DISP1: variants seen among roughly 807,000 people sequenced by gnomAD.
The protein encoded by DISP1 is protein dispatched homolog 1.
Under a neutral mutation model 37.3 loss-of-function variants are expected in DISP1, and 30 were observed. That is an observed-to-expected ratio of 0.80 (90% CI 0.60 to 1.09). DISP1 has a LOEUF of 1.09. Ranked by LOEUF, DISP1 falls within the 50% of genes least tolerant of loss-of-function variation. The pLI is 0.00. For missense variants in DISP1, 1,598 were observed against 1,879.5 expected, an observed-to-expected ratio of 0.85 and a Z score of 2.77; for synonymous variants, 634 against 690.2, an observed-to-expected ratio of 0.92 and a Z score of 1.28.
intron 1 of DISP1, among the ~76,000 whole-genome samples, chr1:222,858,372 C>T (rs373028309): frequency 4.6e-5 from 7 of 152,136 alleles, no homozygotes; most frequent in African/African-American, 1.7e-4. Context: ...AAAGCCATAA[C>T]AACCATAGAA....
chr1:222,954,425 C>G (rs1675445910), intron 3 of DISP1, among the ~76,000 whole-genome samples: 1 of 152,036 alleles, frequency 6.6e-6, no homozygotes, highest in Non-Finnish European at 1.5e-5. Context: ...ATTCACAGTT[C>G]AATAAATATT....
intron 3 of DISP1, among the ~76,000 whole-genome samples, chr1:222,960,519 G>C (rs954323308): frequency 1.8e-4 from 28 of 152,288 alleles, no homozygotes; most frequent in African/African-American, 6.7e-4. Context: ...CAGAAAGCTA[G>C]AAAGATGTCA....
At chr1:222,818,644 A>G (rs190130770) in intron 1 of DISP1, among the ~76,000 whole-genome samples, 5 of 152,324 alleles carry the variant, frequency 3.3e-5, no homozygotes, top group Admixed American at 3.3e-4. Context: ...TTGATTCTGT[A>G]GTTTTGAGGC....
intron 1 of DISP1, chr1:222,836,903 A>C: frequency 2.5e-6 from 1 of 393,520 alleles, no homozygotes; most frequent in Non-Finnish European, 4.5e-6. Context: ...TCTGATTTTC[A>C]ATTTTCTTAT....
chr1:222,943,040 A>C lies in DISP1; in HGVS notation c.217A>C (p.Arg73=), dbSNP rs1341271288. The change falls in exon 3 of 9, where the codon AGA becomes CGA. Residue 73 remains arginine (R), a synonymous_variant. Transcript: ENST00000675850. ...KSSFLPLDNQ[R]MPQMLPQCCH... is the part of the protein sequence containing the mutation. ...ATCCTTTCTGCCTTTAGACAACCAA[A>C]GAATGCCTCAGATGTTACCCCAATG... The C allele has an allele frequency of 1.2e-6, 2 of 1,614,162 alleles. No homozygotes were observed. The highest frequency in any genetic ancestry group is 1.1e-5 in the South Asian group (1 of 91,078).
At chr1:222,966,110 G>GTTTTACACTGTAAATCAGTGTAATT (rs1676461605) in intron 3 of DISP1, among the ~76,000 whole-genome samples, 3 of 152,176 alleles carry the variant, frequency 2.0e-5, no homozygotes, top group African/African-American at 7.2e-5. Context: ...TTACACTGTA[G>GTTTTACACTGTAAATCAGTGTAATT]TTTTACACTG....
intron 1 of DISP1, among the ~76,000 whole-genome samples, chr1:222,914,166 T>C (rs1672366008): frequency 6.6e-6 from 1 of 152,122 alleles, no homozygotes; most frequent in Admixed American, 6.5e-5. Flanking sequence ...AGAAACTTTG[T>C]CAAAATAAAA....
At chr1:222,941,192 C>A (rs2609385) in intron 2 of DISP1, among the ~76,000 whole-genome samples, 23,959 of 152,076 alleles carry the variant, frequency 0.16, 1,950 homozygotes, top group South Asian at 0.29. Flanking sequence ...ACCCTACCTC[C>A]TGCTAGTTTA....
chr1:222,816,025 A>C (rs1401378925), intron 1 of DISP1, among the ~76,000 whole-genome samples: 2 of 151,614 alleles, frequency 1.3e-5, no homozygotes, highest in Middle Eastern at 6.9e-3. Flanking sequence ...GCAAATTACT[A>C]GCAGTTCTTA....
chr1:222,983,299 T>C (rs1326776318), intron 4 of DISP1, among the ~76,000 whole-genome samples, 190 bp downstream of exon 4: 1 of 152,114 alleles, frequency 6.6e-6, no homozygotes, highest in Non-Finnish European at 1.5e-5. Flanking sequence ...AATCTTAAGG[T>C]AGATTTCTAA....
At chr1:222,998,319 TAGCA>T (rs1295301026) in intron 8 of DISP1, among the ~76,000 whole-genome samples, 1 of 151,000 alleles carries the variant, frequency 6.6e-6, no homozygotes, top group Non-Finnish European at 1.5e-5. Flanking sequence ...AACCAAGCAA[TAGCA>T]AGCAGAAGAC....
chr1:223,003,811 A>G lies in DISP1; in HGVS notation c.2414A>G (p.Lys805Arg), dbSNP rs748193973. 1 of 1,614,220 alleles carries G rather than the reference A, an allele frequency of 6.2e-7. No homozygotes were observed. Among genetic ancestry groups the G allele is most frequent in the South Asian group, 1.1e-5 (1 of 91,086 alleles). Residue 805 changes from lysine to arginine, a missense_variant, in exon 9 of 9, where the codon AAG (lysine) becomes AGG (arginine). Coordinates refer to ENST00000675850, the MANE Select transcript of DISP1 (RefSeq NM_001377229.1). This position sits in a 1 kb window ranked among gnomAD's most constrained non-coding sequence, Gnocchi z 4.3. ...GACAATGGCAACCCACTAAATCCCAAGAGTAAAGGGAAGTTGACATTAGAT... is the reference window on the plus strand; with the variant it reads ...GACAATGGCAACCCACTAAATCCCAGGAGTAAAGGGAAGTTGACATTAGAT... ...PEDNGNPLNP[K>R]SKGKLTLDSS... is the part of the protein sequence containing the mutation.
intron 1 of DISP1, among the ~76,000 whole-genome samples, chr1:222,884,818 G>A (rs1670486357): frequency 6.6e-6 from 1 of 152,088 alleles, no homozygotes; most frequent in Admixed American, 6.6e-5. Context: ...ACTATGGTAT[G>A]TGTCTAATGA....
intron 1 of DISP1, among the ~76,000 whole-genome samples, chr1:222,823,340 G>A (rs1401118249): frequency 1.3e-5 from 2 of 152,040 alleles, no homozygotes; most frequent in South Asian, 2.1e-4. Context: ...ACACACACAC[G>A]AATACTGTGC....
chr1:222,919,443 C>T (rs1273032422), intron 1 of DISP1, among the ~76,000 whole-genome samples: 1 of 152,208 alleles, frequency 6.6e-6, no homozygotes, highest in East Asian at 1.9e-4. Flanking sequence ...CTCCTCCCTG[C>T]TCTGTCTACC....
At chr1:222,987,657 A>G (rs1233426450) in intron 4 of DISP1, among the ~76,000 whole-genome samples, 1 of 152,228 alleles carries the variant, frequency 6.6e-6, no homozygotes, top group Non-Finnish European at 1.5e-5. Context: ...AGAACACAAA[A>G]TTAAAAGTTA....
intron 3 of DISP1, among the ~76,000 whole-genome samples, chr1:222,980,090 C>T (rs1010219338): frequency 2.6e-5 from 4 of 152,074 alleles, no homozygotes; most frequent in Admixed American, 6.5e-5. Flanking sequence ...GTATTGTAGT[C>T]AGTATATCCA....
rs949109468 is a variant in DISP1 at position 222,932,587 on chromosome 1, A to C, written c.-18+4017A>C. Among the ~76,000 whole-genome samples, 8 of 151,962 alleles carry C rather than the reference A, an allele frequency of 5.3e-5. No homozygotes were observed. The South Asian group carries it at 1.5e-3, about 28-fold the overall frequency. ...TATTTTGTATATTTTTGGTTATACA[A>C]TTTCACATAATTCTCCAAACTTAGG... On this transcript the variant is annotated intron_variant, in intron 2 of 8. Coordinates refer to ENST00000675850, the MANE Select transcript of DISP1 (RefSeq NM_001377229.1).
Position 223,002,799 on chromosome 1 carries a change from T to C in DISP1, c.1402T>C (p.Tyr468His). Residue 468 changes from tyrosine to histidine, a missense_variant, in exon 9 of 9, where the codon TAC (tyrosine) becomes CAC (histidine). Coordinates refer to ENST00000675850, the MANE Select transcript of DISP1 (RefSeq NM_001377229.1). ...TEKGESMMNI[Y>H]LDNFENWNSS... ...GAAAGGGGAGAGCATGATGAACATT[T>C]ACTTGGACAACTTTGAAAACTGGAA... 6.2e-7 allele frequency: 1 copy of C among 1,614,172 alleles called. No individual in the cohort carries two copies. The highest frequency in any genetic ancestry group is 1.1e-5 in the South Asian group (1 of 91,076).
Sources: allele counts gnomAD v4.1 joint callset (sites outside exome capture counted in the v4.1 genomes callset), GRCh38; gene constraint gnomAD v4.1.1; non-coding constraint Gnocchi (gnomAD v3.1); transcripts MANE v1.5; gene names NCBI Gene and HGNC (gene_info 2026-07-23, HGNC 2026-07-21).